SLC25A21: variants seen among roughly 807,000 people sequenced by gnomAD.
SLC25A21 encodes mitochondrial 2-oxodicarboxylate carrier.
Under a neutral mutation model 43.8 loss-of-function variants are expected in SLC25A21, and 47 were observed. The ratio of observed to expected loss-of-function variants is 1.07; its 90% CI spans 0.85 to 1.37. The LOEUF is 1.37. Among genes scored for constraint, SLC25A21 ranks in the 40% most tolerant of loss-of-function variants. The probability of loss-of-function intolerance (pLI) is 0.00; values close to 1 mark genes in which losing one functional copy is unlikely to be tolerated. For missense variants in SLC25A21, 352 were observed against 350.2 expected (o/e 1.00, Z -0.04); for synonymous variants, 131 against 121.3 (o/e 1.08, Z -0.52).
At chr14:37,123,238 T>G (rs1963240739) in intron 1 of SLC25A21, among the ~76,000 whole-genome samples, 1 of 152,044 alleles carries the variant, frequency 6.6e-6, no homozygotes, top group African/African-American at 2.4e-5. Context: ...TAGAAAGGAG[T>G]GACATTTAGA....
chr14:37,100,170 A>G (rs2138863336), intron 1 of SLC25A21, among the ~76,000 whole-genome samples: 1 of 152,114 alleles, frequency 6.6e-6, no homozygotes, highest in Non-Finnish European at 1.5e-5. Context: ...GAGGTTCTCC[A>G]GCCTCAGCCT....
At chr14:36,987,213 C>T (rs565895478) in intron 1 of SLC25A21, among the ~76,000 whole-genome samples, 3 of 152,096 alleles carry the variant, frequency 2.0e-5, no homozygotes, top group Non-Finnish European at 4.4e-5. Context: ...GGCAGCCCAA[C>T]CAGAGAGGAA....
At chr14:36,987,216 G>C (rs190247445) in intron 1 of SLC25A21, among the ~76,000 whole-genome samples, 46 of 152,270 alleles carry the variant, frequency 3.0e-4, no homozygotes, top group African/African-American at 1.1e-3. Context: ...AGCCCAACCA[G>C]AGAGGAAGGT....
intron 6 of SLC25A21, among the ~76,000 whole-genome samples, chr14:36,716,045 C>T (rs1471169250): frequency 6.6e-6 from 1 of 151,918 alleles, no homozygotes; most frequent in African/African-American, 2.4e-5. Flanking sequence ...GAGCAGAGAT[C>T]GTGCCACTGC....
At chr14:36,709,902 T>C (rs1318541165) in intron 7 of SLC25A21, among the ~76,000 whole-genome samples, 2 of 152,158 alleles carry the variant, frequency 1.3e-5, no homozygotes, top group African/African-American at 4.8e-5. Context: ...TGAAAAATGT[T>C]ACCCCAACTG....
At chr14:36,824,739 A>G (rs977328659) in intron 2 of SLC25A21, among the ~76,000 whole-genome samples, 9 of 147,186 alleles carry the variant, frequency 6.1e-5, no homozygotes, top group African/African-American at 2.2e-4. Context: ...AAGCTTTTTC[A>G]TTAGTGAAAA....
intron 1 of SLC25A21, among the ~76,000 whole-genome samples, chr14:37,088,647 C>T (rs1962528068): frequency 6.6e-6 from 1 of 152,192 alleles, no homozygotes; most frequent in Admixed American, 6.5e-5. Context: ...GTCTTTAAAG[C>T]CAGCAGGCTC....
intron 2 of SLC25A21, among the ~76,000 whole-genome samples, chr14:36,824,802 T>A (rs1037700391): frequency 3.9e-3 from 393 of 99,508 alleles, no homozygotes; most frequent in Middle Eastern, 6.3e-3. Context: ...TCTGGAATCC[T>A]AAAAAAAAAA....
intron 1 of SLC25A21, among the ~76,000 whole-genome samples, chr14:36,997,102 C>T (rs1960387368): frequency 1.3e-5 from 2 of 151,752 alleles, no homozygotes; most frequent in South Asian, 2.1e-4. Flanking sequence ...TCAAGGATTA[C>T]GATGTGGGAA....
chr14:36,773,497 C>G (rs1445431024), intron 3 of SLC25A21, among the ~76,000 whole-genome samples: 3 of 152,146 alleles, frequency 2.0e-5, no homozygotes, highest in Non-Finnish European at 4.4e-5. Flanking sequence ...CAACATGGAT[C>G]TATTGAGTAT....
chr14:37,001,945 A>C (rs1244023155), intron 1 of SLC25A21, among the ~76,000 whole-genome samples: 1 of 152,104 alleles, frequency 6.6e-6, no homozygotes, highest in Non-Finnish European at 1.5e-5. Context: ...ATTTATCTGC[A>C]AGTTGTTTCT....
At chr14:37,123,684 T>C (rs2138895115) in intron 1 of SLC25A21, among the ~76,000 whole-genome samples, 1 of 152,212 alleles carries the variant, frequency 6.6e-6, no homozygotes, top group South Asian at 2.1e-4. Flanking sequence ...ATAACATAAA[T>C]CATGACAATC....
At chr14:37,147,569 G>A (rs1963686472) in intron 1 of SLC25A21, among the ~76,000 whole-genome samples, 1 of 151,242 alleles carries the variant, frequency 6.6e-6, no homozygotes, top group African/African-American at 2.4e-5. Context: ...CTATATTTGG[G>A]CTTAGGAATC....
At chr14:36,718,251 C>T (rs143555123) in intron 6 of SLC25A21, among the ~76,000 whole-genome samples, 4 of 152,146 alleles carry the variant, frequency 2.6e-5, no homozygotes, top group Admixed American at 2.6e-4. Context: ...GACAACTTGG[C>T]TGCTGCTTTA....
intron 1 of SLC25A21, among the ~76,000 whole-genome samples, chr14:37,046,301 C>G (rs1198288442): frequency 6.6e-6 from 1 of 152,082 alleles, no homozygotes; most frequent in African/African-American, 2.4e-5. Context: ...TAATTGCCTA[C>G]CTAATCAGAT....
intron 2 of SLC25A21, among the ~76,000 whole-genome samples, chr14:36,852,179 G>T (rs1227408935): frequency 6.6e-6 from 1 of 152,086 alleles, no homozygotes; most frequent in Non-Finnish European, 1.5e-5. Context: ...GAGCAGGAAA[G>T]ACCTAACAAG....
intron 1 of SLC25A21, among the ~76,000 whole-genome samples, chr14:37,144,171 C>T (rs891050083): frequency 2.0e-5 from 3 of 152,116 alleles, no homozygotes; most frequent in African/African-American, 7.2e-5. Flanking sequence ...AAAGGACTGA[C>T]AGATTCTATT....
At chr14:36,939,662 G>A (rs923793550) in intron 1 of SLC25A21, among the ~76,000 whole-genome samples, 1 of 151,754 alleles carries the variant, frequency 6.6e-6, no homozygotes, top group Non-Finnish European at 1.5e-5. Flanking sequence ...AAAGACCAAT[G>A]GTTTATTTGA....
chr14:37,164,577 C>T (rs1319883563), intron 1 of SLC25A21, among the ~76,000 whole-genome samples: 2 of 152,178 alleles, frequency 1.3e-5, no homozygotes, highest in Non-Finnish European at 2.9e-5. Flanking sequence ...TGATTACCCC[C>T]TGGTGTATCA....
Sources: allele counts gnomAD v4.1 joint callset (sites outside exome capture counted in the v4.1 genomes callset), GRCh38; gene constraint gnomAD v4.1.1; transcripts MANE v1.5; gene names NCBI Gene and HGNC (gene_info 2026-07-23, HGNC 2026-07-21).